PACRG: variants seen among roughly 807,000 people sequenced by gnomAD.
The protein encoded by PACRG is parkin coregulated.
Under a neutral mutation model 29.7 loss-of-function variants are expected in PACRG, and 29 were observed. That is an observed-to-expected ratio of 0.98 (90% CI 0.73 to 1.33). The LOEUF (loss-of-function observed/expected upper bound fraction) is 1.33. Among genes scored for constraint, PACRG ranks in the 40% most tolerant of loss-of-function variants. PACRG has a pLI of 0.00. For synonymous variants in PACRG, 116 were observed against 118.7 expected, an observed-to-expected ratio of 0.98 and a Z score of 0.15; for missense variants, 279 against 316.2, an observed-to-expected ratio of 0.88 and a Z score of 0.89.
chr6:163,112,893 A>G (rs1815788223), intron 4 of PACRG, among the ~76,000 whole-genome samples: 1 of 152,224 alleles, frequency 6.6e-6, no homozygotes, highest in Non-Finnish European at 1.5e-5. Context: ...AAATAAATCA[A>G]TGGAAACTGT....
chr6:163,092,661 C>T lies in PACRG; in HGVS notation c.613+3253C>T, dbSNP rs1169321567. On this transcript the variant is annotated intron_variant, in intron 4 of 4. Transcript: ENST00000366888. ...CTGTAATCATCAATTTTTCTGTCTA[C>T]ACAAGATATGCATCGTAACAACTTT... 2.6e-5 allele frequency among the ~76,000 whole-genome samples: 4 copies of T among 152,236 alleles called. No homozygotes were observed. In the East Asian group the frequency reaches 7.7e-4, roughly 29 times the overall value.
chr6:163,302,436 A>G (rs1345881047), intron 4 of PACRG, among the ~76,000 whole-genome samples: 1 of 152,212 alleles, frequency 6.6e-6, no homozygotes, highest in Non-Finnish European at 1.5e-5. Context: ...ATAAAGGCTG[A>G]TAGCCAGAGC....
intron 4 of PACRG, among the ~76,000 whole-genome samples, chr6:163,160,777 G>C (rs192214516): frequency 6.6e-5 from 10 of 152,218 alleles, no homozygotes; most frequent in Non-Finnish European, 1.5e-4. Context: ...ATAATATGTA[G>C]TCAGCTTAAT....
In PACRG at chr6:162,958,178, G is replaced by A. The variant is rs116457087; in HGVS notation, c.292-103972G>A. Among the ~76,000 whole-genome samples the A allele has an allele frequency of 7.1e-3, 1,087 of 152,242 alleles. 20 individuals carry two copies. The highest frequency in any genetic ancestry group is 0.025 in the African/African-American group (1,022 of 41,538). On this transcript the variant is annotated intron_variant, in intron 2 of 4. Transcript: ENST00000366888. The stretch of plus-strand genomic sequence containing the variant: ...CAGTGTGGCTTATGAAACGTTTGGA[G>A]CTTTGGAGGTAGTGCTTTGCAAATC...
At chr6:163,096,225 G>A (rs1814570567) in intron 4 of PACRG, among the ~76,000 whole-genome samples, 1 of 152,164 alleles carries the variant, frequency 6.6e-6, no homozygotes, top group Admixed American at 6.5e-5. Context: ...AGCTCTGGAT[G>A]CTGCCCTGGG....
chr6:163,107,588 C>G (rs987562296), intron 4 of PACRG, among the ~76,000 whole-genome samples: 4 of 152,172 alleles, frequency 2.6e-5, no homozygotes, highest in African/African-American at 9.7e-5. Flanking sequence ...ATCTGCTTTC[C>G]TGTAACGTTC....
chr6:162,947,436 TA>T (rs1491229053), intron 2 of PACRG, among the ~76,000 whole-genome samples: 2 of 59,910 alleles, frequency 3.3e-5, no homozygotes, highest in East Asian at 7.1e-4. Context: ...ATCATATATA[TA>T]AAATATATAT....
chr6:163,222,346 G>A (rs146076924), intron 4 of PACRG, among the ~76,000 whole-genome samples: 46 of 152,278 alleles, frequency 3.0e-4, no homozygotes, highest in African/African-American at 8.4e-4. Flanking sequence ...GTGTGAGGCC[G>A]AGGCGGGTGG....
chr6:162,832,581 C>G (rs529072984), intron 2 of PACRG, among the ~76,000 whole-genome samples: 1 of 152,026 alleles, frequency 6.6e-6, no homozygotes, highest in African/African-American at 2.4e-5. Context: ...TGTACCACAT[C>G]TATTATATTC....
At chr6:163,005,410 TTTC>T (rs1419755381) in intron 2 of PACRG, among the ~76,000 whole-genome samples, 2 of 152,022 alleles carry the variant, frequency 1.3e-5, no homozygotes, top group African/African-American at 4.8e-5. Context: ...ACTTCAGACC[TTTC>T]TTCTTCTTTT....
At chr6:163,258,060 A>G (rs1222102967) in intron 4 of PACRG, among the ~76,000 whole-genome samples, 1 of 152,024 alleles carries the variant, frequency 6.6e-6, no homozygotes, top group Non-Finnish European at 1.5e-5. Flanking sequence ...GTCTCATTGC[A>G]TTAACTAGAG....
At chr6:163,218,112 C>T (rs138688461) in intron 4 of PACRG, among the ~76,000 whole-genome samples, 364 of 152,138 alleles carry the variant, frequency 2.4e-3, no homozygotes, top group African/African-American at 7.3e-3. Flanking sequence ...TCATTCTTTG[C>T]GAATAAATTA....
intron 2 of PACRG, among the ~76,000 whole-genome samples, chr6:162,995,746 C>T (rs1361653464): frequency 2.6e-5 from 4 of 152,180 alleles, no homozygotes; most frequent in Admixed American, 1.3e-4. Flanking sequence ...TGTTCCTATT[C>T]GGCCATCTTG....
Position 163,041,796 on chromosome 6 carries a change from G to T in PACRG, c.292-20354G>T, listed in dbSNP as rs139680693. ...GCAGCTTGATTAAGACTCATAGGAG[G>T]CAGGGGATTTTAAGTAGCAAATCAA... On this transcript the variant is annotated intron_variant, in intron 2 of 4. Transcript: ENST00000366888. 2.0e-5 allele frequency among the ~76,000 whole-genome samples: 3 copies of T among 152,312 alleles called. No individual in the cohort carries two copies. The East Asian group carries it at 5.8e-4, about 29-fold the overall frequency.
chr6:162,796,376 A>G (rs1366843584), intron 1 of PACRG, among the ~76,000 whole-genome samples: 4 of 152,016 alleles, frequency 2.6e-5, no homozygotes, highest in Admixed American at 6.6e-5. Flanking sequence ...GTTCTGTGAA[A>G]TTATTTTGTA....
chr6:163,129,871 C>T (rs1202927342), intron 4 of PACRG, among the ~76,000 whole-genome samples: 1 of 152,148 alleles, frequency 6.6e-6, no homozygotes, highest in Non-Finnish European at 1.5e-5. Context: ...ATGCTTAAAA[C>T]AGTGCTTGGC....
At chr6:162,981,290 C>CATATATATAT (rs150972042) in intron 2 of PACRG, among the ~76,000 whole-genome samples, 63 of 139,498 alleles carry the variant, frequency 4.5e-4, no homozygotes, top group African/African-American at 1.6e-3. Context: ...ATGTATAAAA[C>CATATATATAT]ATATATATAT....
At chr6:162,785,403 C>T (rs888874558) in intron 1 of PACRG, among the ~76,000 whole-genome samples, 1 of 152,082 alleles carries the variant, frequency 6.6e-6, no homozygotes, top group African/African-American at 2.4e-5. Flanking sequence ...CTATACAAAC[C>T]CTTGGATCTT....
intron 4 of PACRG, among the ~76,000 whole-genome samples, chr6:163,200,615 G>T (rs1366256153): frequency 6.6e-6 from 1 of 152,144 alleles, no homozygotes; most frequent in East Asian, 1.9e-4. Flanking sequence ...ACTGCACCGA[G>T]AGTCTTTTCT....
Sources: allele counts gnomAD v4.1 joint callset (sites outside exome capture counted in the v4.1 genomes callset), GRCh38; gene constraint gnomAD v4.1.1; transcripts MANE v1.5; gene names NCBI Gene and HGNC (gene_info 2026-07-23, HGNC 2026-07-21).